TMEM150C: variants seen among roughly 807,000 people sequenced by gnomAD.
The protein encoded by TMEM150C is tentonin 3.
A neutral mutation model predicts 29.9 loss-of-function variants in TMEM150C; 10 were observed. That is an observed-to-expected ratio of 0.33 (90% CI 0.21 to 0.57). TMEM150C has a LOEUF of 0.57. Ranked by LOEUF, TMEM150C falls within the 20% of genes least tolerant of loss-of-function variation. TMEM150C has a pLI of 0.88. For missense variants in TMEM150C, 251 were observed against 303.6 expected (o/e 0.83, Z 1.29); for synonymous variants, 101 against 112.5 (o/e 0.90, Z 0.64).
rs1319263602 is a variant in TMEM150C, at chr4:82,548,448, C to T, written c.-11+13458G>A. 4.6e-5 allele frequency among the ~76,000 whole-genome samples: 7 copies of T among 151,956 alleles called. No homozygotes were observed. In the South Asian group the frequency reaches 8.3e-4, roughly 18 times the overall value. ...TATATTTAAAAATCTTTACATTGTT[C>T]GTGCAAGGGGCAGCAGGGTGTTGTG... On this transcript the variant is annotated intron_variant, in intron 1 of 7. Transcript: ENST00000449862.
At chr4:82,550,867 G>A (rs1399679019) in intron 1 of TMEM150C, among the ~76,000 whole-genome samples, 4 of 152,296 alleles carry the variant, frequency 2.6e-5, no homozygotes, top group African/African-American at 7.2e-5. Flanking sequence ...GCACAGTTAT[G>A]TTCAGAGAAT....
At chr4:82,545,326 G>T (rs1725339743) in intron 1 of TMEM150C, among the ~76,000 whole-genome samples, 2 of 152,136 alleles carry the variant, frequency 1.3e-5, no homozygotes, top group Non-Finnish European at 2.9e-5. Flanking sequence ...TGTGGTAAAA[G>T]CTTTCAATAC....
intron 1 of TMEM150C, among the ~76,000 whole-genome samples, chr4:82,517,813 TCTC>T (rs1724340529): frequency 6.6e-6 from 1 of 152,076 alleles, no homozygotes; most frequent in Admixed American, 6.5e-5. Flanking sequence ...TCATAATAAA[TCTC>T]CTCTTCTATA....
intron 6 of TMEM150C, chr4:82,491,175 T>A: frequency 1.4e-6 from 1 of 698,666 alleles, no homozygotes; most frequent in Non-Finnish European, 2.6e-6. Context: ...CTGAGCCTTT[T>A]TGTTTTCCAC....
intron 6 of TMEM150C, among the ~76,000 whole-genome samples, chr4:82,493,705 C>T (rs1723447562): frequency 6.6e-6 from 1 of 152,152 alleles, no homozygotes; most frequent in Non-Finnish European, 1.5e-5. Flanking sequence ...ATGCCTGTAC[C>T]CTCAGCACAG....
At chr4:82,509,490 G>A (rs1724047434) in intron 1 of TMEM150C, among the ~76,000 whole-genome samples, 1 of 151,816 alleles carries the variant, frequency 6.6e-6, no homozygotes, top group Admixed American at 6.6e-5. Flanking sequence ...TTGAAAAGGG[G>A]GTCTTTATAA....
At chr4:82,492,568 G>A (rs887884135) in intron 6 of TMEM150C, among the ~76,000 whole-genome samples, 1 of 151,892 alleles carries the variant, frequency 6.6e-6, no homozygotes, top group Non-Finnish European at 1.5e-5. Context: ...GGCTTTTATA[G>A]AGGACTCCCA....
intron 1 of TMEM150C, among the ~76,000 whole-genome samples, chr4:82,556,502 T>A (rs1184964468): frequency 6.6e-6 from 1 of 152,124 alleles, no homozygotes; most frequent in Non-Finnish European, 1.5e-5. Flanking sequence ...CAGTAAGTGT[T>A]GTAAGAAAAA....
At chr4:82,523,134 C>T (rs916835273) in intron 1 of TMEM150C, among the ~76,000 whole-genome samples, 1 of 151,942 alleles carries the variant, frequency 6.6e-6, no homozygotes, top group African/African-American at 2.4e-5. Context: ...TAAAATGACA[C>T]GGACACATGA....
chr4:82,489,943 T>C lies in TMEM150C; in HGVS notation c.541+118A>G, dbSNP rs576427843. 73 of 1,020,744 alleles carry C rather than the reference T, an allele frequency of 7.2e-5. No homozygotes were observed. The East Asian group carries it at 1.8e-3, about 25-fold the overall frequency. 63.2% of individuals were successfully genotyped at this position (1,020,744 alleles called of 1,614,324 possible). A position where few individuals can be genotyped will look rare whatever the true frequency, so the allele number is the denominator to read the frequency against. On this transcript the variant is annotated intron_variant, in intron 7 of 7. Coordinates refer to ENST00000449862, the MANE Select transcript of TMEM150C (RefSeq NM_001080506.3). ...TTTTGTTTTTATACCTGTTTACCTT[T>C]GCCTTAAGATTCTGAGAAGATCTGG...
At chr4:82,523,964 G>T (rs986217306) in intron 1 of TMEM150C, among the ~76,000 whole-genome samples, 3 of 151,782 alleles carry the variant, frequency 2.0e-5, no homozygotes, top group Non-Finnish European at 4.4e-5. Flanking sequence ...TTACAGGTGT[G>T]AGCCACTACA....
At chr4:82,526,715 CA>C (rs1039644474) in intron 1 of TMEM150C, among the ~76,000 whole-genome samples, 49 of 152,300 alleles carry the variant, frequency 3.2e-4, no homozygotes, top group African/African-American at 1.1e-3. Context: ...TTATGACACT[CA>C]CCACTTACAA....
At chr4:82,492,113 G>A (rs1000285945) in intron 6 of TMEM150C, among the ~76,000 whole-genome samples, 1 of 108,200 alleles carries the variant, frequency 9.2e-6, no homozygotes. Context: ...CTAAATAATT[G>A]TTTTTTGTTG....
intron 1 of TMEM150C, among the ~76,000 whole-genome samples, chr4:82,527,912 C>T (rs766141607): frequency 3.3e-5 from 5 of 151,522 alleles, no homozygotes; most frequent in South Asian, 2.1e-4. Flanking sequence ...ATTCATATCC[C>T]GAAGTCAGGT....
chr4:82,505,519 G>A (rs926337699), intron 1 of TMEM150C, among the ~76,000 whole-genome samples: 1 of 152,176 alleles, frequency 6.6e-6, no homozygotes, highest in Non-Finnish European at 1.5e-5. Context: ...GAGCTGATCT[G>A]TACATAAATC....
At chr4:82,511,104 T>C (rs942864983) in intron 1 of TMEM150C, among the ~76,000 whole-genome samples, 1 of 152,202 alleles carries the variant, frequency 6.6e-6, no homozygotes, top group African/African-American at 2.4e-5. Context: ...AATCCTAAGT[T>C]TGGGAAGGCA....
At chr4:82,497,424 C>T (rs1255088358) in intron 5 of TMEM150C, among the ~76,000 whole-genome samples, 3 of 152,098 alleles carry the variant, frequency 2.0e-5, no homozygotes, top group Non-Finnish European at 2.9e-5. Flanking sequence ...TATTAGTAGA[C>T]ATTAATAAAG....
At position 82,491,622 on chromosome 4, in the gene TMEM150C, T is replaced by C. The variant is rs1723350013; in HGVS notation, c.364-1384A>G. 3 of 590,354 alleles carry C rather than the reference T, an allele frequency of 5.1e-6. No individual in the cohort carries two copies. The East Asian group carries it at 8.6e-5, about 17-fold the overall frequency. 36.6% of individuals were successfully genotyped at this position (590,354 alleles called of 1,614,324 possible). ...AGCCACCTTCTTTACTTTGGCCTTCTTTCCTTTCAGCACCTTTGGCAGCAG... is the reference window on the plus strand; with the variant it reads ...AGCCACCTTCTTTACTTTGGCCTTCCTTCCTTTCAGCACCTTTGGCAGCAG... On this transcript the variant is annotated intron_variant, in intron 6 of 7. Coordinates refer to ENST00000449862, the MANE Select transcript of TMEM150C (RefSeq NM_001080506.3).
At chr4:82,561,644 G>A (rs1458864720) in intron 1 of TMEM150C, among the ~76,000 whole-genome samples, 2 of 147,670 alleles carry the variant, frequency 1.4e-5, no homozygotes, top group Admixed American at 6.7e-5. Context: ...TTCGCAGGTC[G>A]CGGGGCAGAG....
Sources: allele counts gnomAD v4.1 joint callset (sites outside exome capture counted in the v4.1 genomes callset), GRCh38; gene constraint gnomAD v4.1.1; transcripts MANE v1.5; gene names NCBI Gene and HGNC (gene_info 2026-07-23, HGNC 2026-07-21).